EXOG: variants seen among roughly 807,000 people sequenced by gnomAD.
EXOG encodes the protein exo/endonuclease G.
A neutral mutation model predicts 25.8 loss-of-function variants in EXOG; 27 were observed. The ratio of observed to expected loss-of-function variants is 1.05; its 90% CI spans 0.77 to 1.45. The LOEUF is 1.45. Ranked by LOEUF, EXOG falls within the 40% of genes most tolerant of loss-of-function variation. EXOG has a pLI of 0.00. For missense variants in EXOG, 458 were observed against 450.5 expected (o/e 1.02, Z -0.15); for synonymous variants, 133 against 167.0 (o/e 0.80, Z 1.57).
At chr3:38,502,172 C>A (rs1443527872) in intron 3 of EXOG, among the ~76,000 whole-genome samples, 2 of 152,014 alleles carry the variant, frequency 1.3e-5, no homozygotes, top group Non-Finnish European at 2.9e-5. Context: ...CCACCTGCCT[C>A]GGCCTCCCAA....
intron 3 of EXOG, among the ~76,000 whole-genome samples, chr3:38,502,484 T>C (rs1464899596): frequency 6.6e-6 from 1 of 152,234 alleles, no homozygotes; most frequent in Non-Finnish European, 1.5e-5. Flanking sequence ...TTACTTTACA[T>C]ATACATATGT....
chr3:38,496,459 C>T lies in EXOG; in HGVS notation c.92C>T (p.Ala31Val), dbSNP rs1363711473. 1 of 1,613,930 alleles carries T rather than the reference C, an allele frequency of 6.2e-7. No individual in the cohort carries two copies. The highest frequency in any genetic ancestry group is 1.3e-5 in the African/African-American group (1 of 74,936). ...GGGGCTGTAGTGGGCGCTGCGGGAG[C>T]TGGGCTCGCGGCCCTGCAGTTCTTC... is the stretch of plus-strand genomic sequence containing the variant. ...VAGAVVGAAG[A>V]GLAALQFFRS... Residue 31 changes from alanine (A) to valine (V), a missense_variant, in exon 1 of 6, where the codon GCT (alanine) becomes GTT (valine). By Grantham distance (64) the Ala-to-Val change is moderately conservative. Coordinates refer to ENST00000287675, the MANE Select transcript of EXOG (RefSeq NM_005107.4).
chr3:38,514,778 C>CTCTT (rs2060485349), intron 5 of EXOG, among the ~76,000 whole-genome samples: 86 of 113,548 alleles, frequency 7.6e-4, no homozygotes, highest in African/African-American at 1.3e-3. Context: ...CCTCCCCCTG[C>CTCTT]TTTTTTTTTT....
At position 38,524,503 on chromosome 3, in the gene EXOG, TG is replaced by T; in HGVS notation, c.*143del. The T allele has an allele frequency of 5.1e-6, 7 of 1,378,042 alleles. No homozygotes were observed. Among genetic ancestry groups the T allele is most frequent in the Non-Finnish European group, 6.7e-6 (7 of 1,051,672 alleles). The allele number at this position is 1,378,042 out of a possible 1,614,324, so 85.4% of individuals were successfully genotyped here. On this transcript the variant is annotated 3_prime_UTR_variant, in exon 6 of 6. Transcript: ENST00000287675. ...TGTGGTCTCGCCGTGTCATCCAGGC[TG>T]GAGTGCAGTGGTGGAATCATAGCTC...
In EXOG at chr3:38,514,128, A is replaced by G. The variant is rs2060458677; in HGVS notation, c.645+7160A>G. Among the ~76,000 whole-genome samples, 2 of 152,208 alleles carry G rather than the reference A, an allele frequency of 1.3e-5. 1 individual carries two copies. The highest frequency in any genetic ancestry group is 1.3e-4 in the Admixed American group (2 of 15,288). On this transcript the variant is annotated intron_variant, in intron 5 of 5. Transcript: ENST00000287675. ...AGAAGGTAAATTATAGAGGGAGGCA[A>G]TGGCAGGAAATGTGGATTGTATTAA...
At chr3:38,519,894 C>T (rs1358956627) in intron 5 of EXOG, among the ~76,000 whole-genome samples, 8 of 152,132 alleles carry the variant, frequency 5.3e-5, no homozygotes, top group Non-Finnish European at 1.5e-5. Context: ...CATGTTCCTT[C>T]CCCCCCTCAG....
chr3:38,497,444 GTTTTC>G, intron 1 of EXOG, 180 bp from the exon 2 acceptor site: 1 of 1,358,432 alleles, frequency 7.4e-7, no homozygotes, highest in Non-Finnish European at 9.4e-7. Flanking sequence ...CCTACTGTCT[GTTTTC>G]TTCATCTCAT....
Position 38,525,369 on chromosome 3 carries a change from T to C in EXOG, c.*1007T>C. On this transcript the variant is annotated 3_prime_UTR_variant, in exon 6 of 6. Transcript: ENST00000287675. ...ACTCAGAAATATATACCTATTTCCA[T>C]GGGTATTTGTGGGCCTGAGGCATGC... The C allele has an allele frequency of 4.1e-6, 4 of 985,366 alleles. No homozygotes were observed. The South Asian group carries it at 1.9e-4, about 46-fold the overall frequency. The allele number at this position is 985,366 out of a possible 1,614,324, so 61.0% of individuals were successfully genotyped here.
At position 38,525,459 on chromosome 3, in the gene EXOG, T is replaced by C; in HGVS notation, c.*1097T>C. On this transcript the variant is annotated 3_prime_UTR_variant, in exon 6 of 6. Coordinates refer to ENST00000287675, the MANE Select transcript of EXOG (RefSeq NM_005107.4). ...CAAAGGGACTTTAATGTTCTTTGAA[T>C]TGAACCCTCCTTAGCTCTGTGGAAA... 1 of 985,410 alleles carries C rather than the reference T, an allele frequency of 1.0e-6. No homozygotes were observed. The highest frequency in any genetic ancestry group is 1.2e-6 in the Non-Finnish European group (1 of 829,914). 61.0% of individuals were successfully genotyped at this position (985,410 alleles called of 1,614,324 possible). A position where few individuals can be genotyped will look rare whatever the true frequency, so the allele number is the denominator to read the frequency against.
chr3:38,525,987 C>A lies in EXOG; in HGVS notation c.*1625C>A, dbSNP rs1468022358. The A allele has an allele frequency of 1.0e-6, 1 of 985,342 alleles. No homozygotes were observed. The highest frequency in any genetic ancestry group is 1.2e-6 in the Non-Finnish European group (1 of 829,914). 61.0% of individuals were successfully genotyped at this position (985,342 alleles called of 1,614,324 possible). On this transcript the variant is annotated 3_prime_UTR_variant, in exon 6 of 6. Transcript: ENST00000287675. ...AGAAAAAGGTCTGCCCACAAAATCA[C>A]TAGCTTATTATTTGCTTCCTGTGTG...
At chr3:38,514,773 CCCT>C (rs2060483830) in intron 5 of EXOG, among the ~76,000 whole-genome samples, 1 of 106,934 alleles carries the variant, frequency 9.4e-6, no homozygotes, top group African/African-American at 5.0e-5. Context: ...CCCCCCCTCC[CCCT>C]GCTTTTTTTT....
intron 5 of EXOG, among the ~76,000 whole-genome samples, chr3:38,511,553 C>T (rs1455145123): frequency 1.3e-5 from 2 of 152,312 alleles, no homozygotes; most frequent in African/African-American, 4.8e-5. Flanking sequence ...CATGTCTCCT[C>T]TTATCAAAGC....
intron 5 of EXOG, among the ~76,000 whole-genome samples, chr3:38,512,120 T>C (rs528937743): frequency 6.6e-6 from 1 of 152,350 alleles, no homozygotes; most frequent in East Asian, 1.9e-4. Context: ...GTTCATGTTA[T>C]GTTAGGAGTT....
chr3:38,516,879 A>G (rs2060561349), intron 5 of EXOG, among the ~76,000 whole-genome samples: 1 of 152,136 alleles, frequency 6.6e-6, no homozygotes, highest in African/African-American at 2.4e-5. Flanking sequence ...TTGTTTGCTC[A>G]TGATTCATTA....
At chr3:38,498,596 C>G (rs976252605) in intron 2 of EXOG, among the ~76,000 whole-genome samples, 1 of 151,442 alleles carries the variant, frequency 6.6e-6, no homozygotes, top group Non-Finnish European at 1.5e-5. Context: ...AACACAAGAA[C>G]CTGATTTTGA....
chr3:38,498,104 T>A (rs2059946492), intron 2 of EXOG: 1 of 236,316 alleles, frequency 4.2e-6, no homozygotes, highest in South Asian at 6.2e-5. Context: ...GTGGTAACCC[T>A]TGGGGACCTA....
At chr3:38,522,146 C>T (rs1438220366) in intron 5 of EXOG, among the ~76,000 whole-genome samples, 8 of 152,248 alleles carry the variant, frequency 5.3e-5, no homozygotes, top group African/African-American at 1.7e-4. Context: ...AAATCATTCC[C>T]GTGCACGGGT....
At chr3:38,496,736 C>A in intron 1 of EXOG, 1 of 1,450,284 alleles carries the variant, frequency 6.9e-7, no homozygotes, top group Non-Finnish European at 9.1e-7. Context: ...CCTTCCTTCC[C>A]CCGGGCATCT....
At chr3:38,503,823 G>A in intron 4 of EXOG, 132 bp downstream of exon 4, 1 of 525,338 alleles carries the variant, frequency 1.9e-6, no homozygotes, top group Non-Finnish European at 3.3e-6. Context: ...TAAGTATGTT[G>A]GGCCAGTTTT....
Sources: gnomAD v4.1 joint callset for allele counts (sites outside exome capture counted in the v4.1 genomes callset) on GRCh38, gnomAD v4.1.1 for gene constraint, MANE v1.5 for transcripts, NCBI Gene and HGNC (gene_info 2026-07-23, HGNC 2026-07-21) for gene names.